The following MYRFL variants were observed in gnomAD, a reference collection of about 807,000 sequenced individuals.
MYRFL encodes myelin regulatory factor-like protein.
A neutral mutation model predicts 109.4 loss-of-function variants in MYRFL; 88 were observed. The observed-to-expected ratio is 0.80, with a 90% CI of 0.68 to 0.96. The LOEUF (loss-of-function observed/expected upper bound fraction) is 0.96. Among genes scored for constraint, MYRFL ranks in the 40% least tolerant of loss-of-function variants. The pLI is 0.00. For synonymous variants in MYRFL, 324 were observed against 320.9 expected (o/e 1.01, Z -0.10); for missense variants, 957 against 954.9 (o/e 1.00, Z -0.03).
chr12:69,856,042 C>T (rs1884262682), intron 2 of MYRFL, among the ~76,000 whole-genome samples: 1 of 152,106 alleles, frequency 6.6e-6, no homozygotes, highest in Admixed American at 6.5e-5. Context: ...TCATAACACA[C>T]AACACTGAAA....
intron 13 of MYRFL, among the ~76,000 whole-genome samples, chr12:69,911,990 C>T (rs1367217216): frequency 6.6e-6 from 1 of 152,222 alleles, no homozygotes; most frequent in Non-Finnish European, 1.5e-5. Flanking sequence ...ATCTTACCAA[C>T]CTTGCTGGTC....
At chr12:69,956,689 T>G (rs10879063) in intron 22 of MYRFL, among the ~76,000 whole-genome samples, 44,652 of 151,690 alleles carry the variant, frequency 0.29, 6,867 homozygotes, top group East Asian at 0.48. Flanking sequence ...TCTTATTCAG[T>G]CTTCATACTC....
intron 2 of MYRFL, among the ~76,000 whole-genome samples, chr12:69,861,263 A>C (rs1167663584): frequency 6.6e-6 from 1 of 152,066 alleles, no homozygotes; most frequent in Non-Finnish European, 1.5e-5. Context: ...GTATATACCC[A>C]GTAATGGGAT....
chr12:69,896,706 C>T (rs147926700), intron 9 of MYRFL, among the ~76,000 whole-genome samples: 113 of 152,288 alleles, frequency 7.4e-4, no homozygotes, highest in African/African-American at 2.6e-3. Context: ...AGTCAGTCTC[C>T]ATTAAGGCCC....
chr12:69,932,680 T>C (rs1290978392), intron 16 of MYRFL, 82 bp downstream of exon 16: 5 of 1,032,004 alleles, frequency 4.8e-6, no homozygotes, highest in Admixed American at 4.3e-5. Flanking sequence ...AACTGGGGAC[T>C]GGCCTGTTTA....
chr12:69,841,494 G>A (rs1592686723), intron 1 of MYRFL, among the ~76,000 whole-genome samples: 1 of 152,204 alleles, frequency 6.6e-6, no homozygotes, highest in East Asian at 1.9e-4. Context: ...CACTATGGCT[G>A]ATTTCAAGCT....
Position 69,958,896 on chromosome 12 carries a change from C to T in MYRFL, c.*365C>T, listed in dbSNP as rs950119827. 1 of 193,614 alleles carries T rather than the reference C, an allele frequency of 5.2e-6. No individual in the cohort carries two copies. The highest frequency in any genetic ancestry group is 5.7e-5 in the Admixed American group (1 of 17,694). 12.0% of individuals were successfully genotyped at this position (193,614 alleles called of 1,614,324 possible). On this transcript the variant is annotated 3_prime_UTR_variant, in exon 25 of 25. Coordinates refer to ENST00000552032, the MANE Select transcript of MYRFL (RefSeq NM_182530.3). ...ATGTATTTTAAAGCTTTTGAAAAAA[C>T]CAAAAGGGCCATGTCGACTTCGGCC...
intron 5 of MYRFL, among the ~76,000 whole-genome samples, chr12:69,885,873 T>G (rs1036895448): frequency 6.6e-6 from 1 of 152,118 alleles, no homozygotes. Flanking sequence ...ATTATGTCAT[T>G]CTCTCTGCTT....
chr12:69,889,842 C>T (rs979122405), intron 6 of MYRFL, among the ~76,000 whole-genome samples: 24 of 151,562 alleles, frequency 1.6e-4, no homozygotes, highest in African/African-American at 5.1e-4. Context: ...GGCGACAGAG[C>T]GAGACTCTGT....
intron 1 of MYRFL, among the ~76,000 whole-genome samples, chr12:69,844,608 C>T (rs772015756): frequency 2.2e-4 from 33 of 152,264 alleles, no homozygotes; most frequent in Admixed American, 3.3e-4. Flanking sequence ...CGTGAGAGCA[C>T]GATCAGTAGC....
intron 11 of MYRFL, among the ~76,000 whole-genome samples, chr12:69,906,431 G>A (rs1191258534): frequency 2.0e-5 from 3 of 152,250 alleles, no homozygotes; most frequent in East Asian, 1.9e-4. Context: ...GGAAGGACAC[G>A]CTGAACACTA....
intron 22 of MYRFL, among the ~76,000 whole-genome samples, chr12:69,956,223 G>A (rs373936357): frequency 1.1e-3 from 160 of 150,782 alleles, no homozygotes; most frequent in African/African-American, 3.7e-3. Flanking sequence ...AAAATCACAG[G>A]TAGTAAGTGA....
At chr12:69,891,639 T>C (rs146641965) in intron 7 of MYRFL, among the ~76,000 whole-genome samples, 3,451 of 70,188 alleles carry the variant, frequency 0.049, 128 homozygotes, top group Non-Finnish European at 0.058. Context: ...TCCTTTCTTT[T>C]TCTTTCTTTC....
rs571597283 is a variant in MYRFL, at chr12:69,842,535, A to G, written c.47-12745A>G. On this transcript the variant is annotated intron_variant, in intron 1 of 24. Coordinates refer to ENST00000552032, the MANE Select transcript of MYRFL (RefSeq NM_182530.3). ...GAGTTGAGCAGAGAGAAAGAGATGC[A>G]CAACACATAATTGCTATGGTGATTG... Among the ~76,000 whole-genome samples, 8 of 152,332 alleles carry G rather than the reference A, an allele frequency of 5.3e-5. 1 individual carries two copies. The highest frequency in any genetic ancestry group is 1.4e-4 in the African/African-American group (6 of 41,592).
At chr12:69,874,892 A>C (rs1343033182) in intron 2 of MYRFL, among the ~76,000 whole-genome samples, 1 of 151,902 alleles carries the variant, frequency 6.6e-6, no homozygotes, top group African/African-American at 2.4e-5. Flanking sequence ...TTTTTGGCTT[A>C]CAGTTACTCC....
At chr12:69,862,225 A>G (rs1592717631) in intron 2 of MYRFL, among the ~76,000 whole-genome samples, 4 of 150,306 alleles carry the variant, frequency 2.7e-5, no homozygotes, top group South Asian at 4.2e-4. Flanking sequence ...TTGACTTGGC[A>G]ATGCAGGCTC....
At chr12:69,917,167 A>G (rs932700649) in intron 13 of MYRFL, among the ~76,000 whole-genome samples, 9 of 152,060 alleles carry the variant, frequency 5.9e-5, no homozygotes, top group Non-Finnish European at 1.2e-4. Context: ...CCCCATATAA[A>G]ATAGTCCCTG....
chr12:69,955,753 G>A (rs963799696), intron 22 of MYRFL, among the ~76,000 whole-genome samples: 2 of 151,684 alleles, frequency 1.3e-5, no homozygotes, highest in Non-Finnish European at 2.9e-5. Context: ...AATTGGAATG[G>A]CAACAAGAGT....
intron 13 of MYRFL, among the ~76,000 whole-genome samples, chr12:69,919,325 C>G (rs951687813): frequency 9.2e-5 from 14 of 152,160 alleles, no homozygotes; most frequent in African/African-American, 2.9e-4. Context: ...GACTCAAGCC[C>G]TTTCCACAGA....
Sources: allele counts gnomAD v4.1 joint callset (sites outside exome capture counted in the v4.1 genomes callset), GRCh38; gene constraint gnomAD v4.1.1; transcripts MANE v1.5; gene names NCBI Gene and HGNC (gene_info 2026-07-23, HGNC 2026-07-21).